The following RMND1 variants were observed in gnomAD, a reference collection of about 807,000 sequenced individuals.
RMND1 encodes required for meiotic nuclear division 1 homolog, also known as required for meiotic nuclear division protein 1 homolog.
In RMND1, 41 loss-of-function variants were observed where a neutral mutation model predicts 54.0. The observed-to-expected ratio is 0.76, with a 90% CI of 0.59 to 0.98. The LOEUF (loss-of-function observed/expected upper bound fraction) is 0.98, where lower values mean the gene tolerates loss of function less well. Among genes scored for constraint, RMND1 ranks in the 50% least tolerant of loss-of-function variants. The pLI, the probability that RMND1 is intolerant of heterozygous loss-of-function variation, is 0.00. For synonymous variants in RMND1, 183 were observed against 181.7 expected (o/e 1.01, Z -0.06); for missense variants, 457 against 532.0 (o/e 0.86, Z 1.39).
chr6:151,442,227 C>T (rs1005309230), intron 2 of RMND1, among the ~76,000 whole-genome samples: 2 of 152,224 alleles, frequency 1.3e-5, no homozygotes, highest in African/African-American at 4.8e-5. Flanking sequence ...GTAAGTTTTT[C>T]TGACTACAAC....
At chr6:151,422,862 A>C (rs948069271) in intron 7 of RMND1, among the ~76,000 whole-genome samples, 5 of 152,182 alleles carry the variant, frequency 3.3e-5, no homozygotes, top group African/African-American at 1.2e-4. Context: ...TTCTAGTATT[A>C]CATCTTGGAA....
At chr6:151,417,423 T>TTTTA in intron 9 of RMND1, 24 bp from the exon 10 acceptor site, 1 of 1,511,560 alleles carries the variant, frequency 6.6e-7, no homozygotes, top group Non-Finnish European at 9.0e-7. Flanking sequence ...AATTATAACT[T>TTTTA]TTTATTTATC....
chr6:151,407,981 C>T (rs563930781), intron 10 of RMND1, among the ~76,000 whole-genome samples: 69 of 152,118 alleles, frequency 4.5e-4, no homozygotes, highest in Admixed American at 1.4e-3. Context: ...ATGTACGCGT[C>T]GAGCATGCAG....
chr6:151,412,857 C>G (rs934113218), intron 10 of RMND1, among the ~76,000 whole-genome samples: 1 of 152,172 alleles, frequency 6.6e-6, no homozygotes, highest in African/African-American at 2.4e-5. Context: ...AGAACAGCAC[C>G]AAGGGGATGG....
In RMND1 at chr6:151,450,420, CCCGGCCAGCCACCCCG is replaced by C. The variant is rs1781117132; in HGVS notation, c.-15+1580_-15+1595del. On this transcript the variant is annotated intron_variant, in intron 1 of 11. Transcript: ENST00000444024. ...GAGGGAGGTGGGGGTCAGCCCCCCG[CCCGGCCAGCCACCCCG>C]TCTGGGAGGGAGGTGGGGGGGCCAG... is the stretch of plus-strand genomic sequence containing the variant. Among the ~76,000 whole-genome samples the C allele has an allele frequency of 1.7e-5, 2 of 120,150 alleles. 1 individual carries two copies. The highest frequency in any genetic ancestry group is 6.1e-4 in the East Asian group (2 of 3,264). 78.8% of individuals were successfully genotyped at this position (120,150 alleles called of 152,430 possible).
intron 1 of RMND1, among the ~76,000 whole-genome samples, chr6:151,450,346 C>T (rs1196000409): frequency 3.4e-5 from 5 of 147,328 alleles, no homozygotes; most frequent in African/African-American, 7.5e-5. Context: ...CCACCCCATC[C>T]GGGAGGGAGG....
At chr6:151,450,291 C>A (rs181820840) in intron 1 of RMND1, among the ~76,000 whole-genome samples, 88 of 151,586 alleles carry the variant, frequency 5.8e-4, no homozygotes, top group Non-Finnish European at 1.1e-3. Flanking sequence ...AGCGCCTCTG[C>A]CCGGCCGCCC....
At chr6:151,417,642 C>T (rs1780043769) in intron 9 of RMND1, among the ~76,000 whole-genome samples, 1 of 152,014 alleles carries the variant, frequency 6.6e-6, no homozygotes, top group African/African-American at 2.4e-5. Flanking sequence ...AGGCATGTGG[C>T]ATTGCATGTG....
intron 9 of RMND1, chr6:151,420,935 A>C: frequency 5.3e-6 from 1 of 189,468 alleles, no homozygotes; most frequent in Non-Finnish European, 1.1e-5. Flanking sequence ...TTTTACAGAG[A>C]ATTCCCATTA....
rs776952161 is a variant in RMND1 at position 151,404,870 on chromosome 6, T to C, written c.*365A>G. On this transcript the variant is annotated 3_prime_UTR_variant, in exon 12 of 12. Transcript: ENST00000444024. ...ACCCAGTAGTGAACATTTATTTATT[T>C]ATTTTATTGTTTATTTTTGAGACTG... 3 of 168,402 alleles carry C rather than the reference T, an allele frequency of 1.8e-5. No homozygotes were observed. The highest frequency in any genetic ancestry group is 2.5e-5 in the Non-Finnish European group (2 of 79,580). The allele number at this position is 168,402 out of a possible 1,614,324, so 10.4% of individuals were successfully genotyped here. A position where few individuals can be genotyped will look rare whatever the true frequency, so the allele number is the denominator to read the frequency against.
intron 1 of RMND1, among the ~76,000 whole-genome samples, chr6:151,449,369 G>GAAA (rs111743448): frequency 2.7e-5 from 3 of 111,796 alleles, no homozygotes; most frequent in Non-Finnish European, 3.8e-5. Flanking sequence ...ATTCTGTAAC[G>GAAA]AAAAAAAAAA....
chr6:151,439,837 T>G (rs1780723038), intron 2 of RMND1, among the ~76,000 whole-genome samples: 1 of 152,122 alleles, frequency 6.6e-6, no homozygotes, highest in Non-Finnish European at 1.5e-5. Context: ...TTTTTGTATT[T>G]TTAGTAGAGA....
chr6:151,444,379 T>C (rs1363756847), intron 2 of RMND1: 1 of 152,178 alleles, frequency 6.6e-6, no homozygotes, highest in Non-Finnish European at 1.5e-5. Context: ...CACACAAGAA[T>C]TGAAAGCATT....
chr6:151,435,256 G>A (rs532985873), intron 3 of RMND1, among the ~76,000 whole-genome samples: 5 of 151,884 alleles, frequency 3.3e-5, no homozygotes, highest in African/African-American at 9.7e-5. Flanking sequence ...AGCAATTCTT[G>A]TGTCTCAGTC....
intron 10 of RMND1, among the ~76,000 whole-genome samples, chr6:151,414,163 G>C (rs927224841): frequency 2.0e-5 from 3 of 151,882 alleles, no homozygotes; most frequent in African/African-American, 7.3e-5. Flanking sequence ...TCAAACTCCT[G>C]GGCTAAAGCA....
chr6:151,407,201 A>T (rs1020034118), intron 10 of RMND1, among the ~76,000 whole-genome samples: 2 of 152,144 alleles, frequency 1.3e-5, no homozygotes, highest in East Asian at 3.9e-4. Flanking sequence ...AACTGACTGA[A>T]CCACACTCCA....
chr6:151,451,343 G>A (rs1014810060), intron 1 of RMND1, among the ~76,000 whole-genome samples: 5 of 151,864 alleles, frequency 3.3e-5, no homozygotes, highest in African/African-American at 4.8e-5. Flanking sequence ...TTCTTATCAT[G>A]TGCCAGGTAT....
rs1780940415 is a variant in RMND1, at chr6:151,445,867, G to T, written c.-14-42C>A. On this transcript the variant is annotated intron_variant, in intron 1 of 11. Coordinates refer to ENST00000444024, the MANE Select transcript of RMND1 (RefSeq NM_017909.4). ...TCAAAGTTCAAGTTTTTAAATTAAT[G>T]TTTAAAACATATATAATATTTCCCT... 18 of 1,446,690 alleles carry T rather than the reference G, an allele frequency of 1.2e-5. No homozygotes were observed. The South Asian group carries it at 2.5e-4, about 20-fold the overall frequency. 89.6% of individuals were successfully genotyped at this position (1,446,690 alleles called of 1,614,324 possible). A position where few individuals can be genotyped will look rare whatever the true frequency, so the allele number is the denominator to read the frequency against.
intron 10 of RMND1, chr6:151,411,261 A>C (rs777324260): frequency 3.3e-5 from 5 of 152,280 alleles, no homozygotes; most frequent in Admixed American, 3.3e-4. Flanking sequence ...GCCCGGCCCT[A>C]TAAGAGATTT....
Sources: allele counts gnomAD v4.1 joint callset (sites outside exome capture counted in the v4.1 genomes callset), GRCh38; gene constraint gnomAD v4.1.1; transcripts MANE v1.5; gene names NCBI Gene and HGNC (gene_info 2026-07-23, HGNC 2026-07-21).